The following ZNF610 variants were observed in gnomAD, a reference collection of about 807,000 sequenced individuals.
ZNF610 encodes zink finger protein.
A neutral mutation model predicts 14.1 loss-of-function variants in ZNF610; 14 were observed. The ratio of observed to expected loss-of-function variants is 0.99; its 90% CI spans 0.65 to 1.55. The LOEUF is 1.55. Among genes scored for constraint, ZNF610 ranks in the 40% most tolerant of loss-of-function variants. The pLI is 0.00. For synonymous variants in ZNF610, 185 were observed against 187.6 expected (o/e 0.99, Z 0.11); for missense variants, 530 against 558.0 (o/e 0.95, Z 0.51).
At chr19:52,336,027 G>A (rs1037502599), upstream of ZNF610, among the ~76,000 whole-genome samples, 1 of 152,008 alleles carries the variant, frequency 6.6e-6, no homozygotes, top group African/African-American at 2.4e-5. Context: ...CACCACGGCC[G>A]GCTTAAAATT....
At chr19:52,349,293 A>G (rs1985129499) in intron 3 of ZNF610, 58 bp downstream of exon 3, 2 of 1,561,628 alleles carry the variant, frequency 1.3e-6, no homozygotes, top group Non-Finnish European at 1.8e-6. Context: ...TGCCTGAAGC[A>G]TCCTGCCTGA....
intron 1 of ZNF610, among the ~76,000 whole-genome samples, chr19:52,336,841 C>G (rs552830740): frequency 1.4e-3 from 211 of 152,320 alleles, no homozygotes; most frequent in Non-Finnish European, 2.2e-3. Flanking sequence ...CTTCTTCTGT[C>G]TTAGGACATT....
At chr19:52,358,669 T>A (rs1268663846) in intron 5 of ZNF610, among the ~76,000 whole-genome samples, 1 of 152,226 alleles carries the variant, frequency 6.6e-6, no homozygotes, top group Non-Finnish European at 1.5e-5. Context: ...GTAGTACATT[T>A]TATGTATTTT....
intron 3 of ZNF610, among the ~76,000 whole-genome samples, chr19:52,350,976 G>C (rs1985222463): frequency 6.6e-6 from 1 of 152,030 alleles, no homozygotes; most frequent in African/African-American, 2.4e-5. Context: ...CTTCAGCCTT[G>C]GAAACAAGAG....
intron 5 of ZNF610, among the ~76,000 whole-genome samples, chr19:52,355,736 A>C (rs1025551564): frequency 6.6e-6 from 1 of 152,202 alleles, no homozygotes; most frequent in Non-Finnish European, 1.5e-5. Context: ...TGGCTCACAG[A>C]ACTCAGTGAG....
chr19:52,333,105 A>G (rs552164562), upstream of ZNF610, among the ~76,000 whole-genome samples: 130 of 152,346 alleles, frequency 8.5e-4, 1 homozygote, highest in Non-Finnish European at 1.2e-3. Flanking sequence ...TCCAATAGAT[A>G]GGACAAAGGA....
chr19:52,360,127 G>A (rs538675193), intron 5 of ZNF610, among the ~76,000 whole-genome samples: 1 of 152,206 alleles, frequency 6.6e-6, no homozygotes, highest in African/African-American at 2.4e-5. Flanking sequence ...ACCTTATTAT[G>A]TCAGCATTCT....
rs754683311 is a variant in ZNF610 at position 52,353,672 on chromosome 19, C to T, written c.64-10C>T. ...TTTTAGTGTTGTAAACAATGTGGTCCTCATTTTAGGGACGCTTGACATTCA... is the reference window on the plus strand; with the variant it reads ...TTTTAGTGTTGTAAACAATGTGGTCTTCATTTTAGGGACGCTTGACATTCA... On this transcript the variant is annotated splice_polypyrimidine_tract_variant and intron_variant, in intron 3 of 5. Coordinates refer to ENST00000403906, the MANE Select transcript of ZNF610 (RefSeq NM_001161425.2). The T allele has an allele frequency of 6.2e-7, 1 of 1,613,110 alleles. No individual in the cohort carries two copies. Among genetic ancestry groups the T allele is most frequent in the Non-Finnish European group, 8.5e-7 (1 of 1,179,524 alleles).
chr19:52,342,852 A>T (rs1429503428), intron 1 of ZNF610, among the ~76,000 whole-genome samples: 2 of 151,974 alleles, frequency 1.3e-5, no homozygotes, highest in Non-Finnish European at 2.9e-5. Context: ...CATCACCTTC[A>T]TGTCTCCTGA....
upstream of ZNF610, among the ~76,000 whole-genome samples, chr19:52,331,467 C>G (rs1446067845): frequency 1.3e-5 from 2 of 152,180 alleles, no homozygotes; most frequent in Admixed American, 1.3e-4. Flanking sequence ...GTGGCCTGGA[C>G]AGGATCCTGG....
intron 3 of ZNF610, among the ~76,000 whole-genome samples, chr19:52,350,981 C>T (rs986354131): frequency 3.3e-5 from 5 of 152,048 alleles, no homozygotes; most frequent in Non-Finnish European, 7.4e-5. Flanking sequence ...GCCTTGGAAA[C>T]AAGAGCAAAA....
At chr19:52,346,465 C>T (rs569914848) in intron 1 of ZNF610, among the ~76,000 whole-genome samples, 66 of 152,036 alleles carry the variant, frequency 4.3e-4, no homozygotes, top group African/African-American at 1.5e-3. Flanking sequence ...CCCAGACTAA[C>T]GTTTGTATTT....
At chr19:52,349,351 C>T (rs563042643) in intron 3 of ZNF610, 116 bp downstream of exon 3, 51 of 1,364,618 alleles carry the variant, frequency 3.7e-5, no homozygotes, top group Middle Eastern at 3.6e-4. Flanking sequence ...CCTTTCATCT[C>T]GCTTAGATTC....
intron 1 of ZNF610, chr19:52,345,343 C>T (rs1481019556): frequency 6.6e-6 from 1 of 152,160 alleles, no homozygotes; most frequent in Non-Finnish European, 1.5e-5. Context: ...TGTTGCCTAG[C>T]TACATCAGAG....
chr19:52,354,400 T>C, intron 5 of ZNF610, 21 bp downstream of exon 5: 2 of 1,606,704 alleles, frequency 1.2e-6, no homozygotes, highest in African/African-American at 1.3e-5. Context: ...TGATGGGCAG[T>C]GTGGAGGCCA....
upstream of ZNF610, among the ~76,000 whole-genome samples, chr19:52,334,070 T>G (rs532019537): frequency 3.3e-5 from 5 of 152,336 alleles, no homozygotes; most frequent in South Asian, 1.0e-3. Context: ...ATATCAACAA[T>G]GGTTTATAAA....
chr19:52,360,957 T>A (rs1985743595), intron 5 of ZNF610, among the ~76,000 whole-genome samples: 1 of 152,202 alleles, frequency 6.6e-6, no homozygotes, highest in African/African-American at 2.4e-5. Context: ...GGAACATTTT[T>A]AAGAGTGTTG....
intron 1 of ZNF610, among the ~76,000 whole-genome samples, chr19:52,337,371 C>G (rs747759743): frequency 6.6e-6 from 1 of 151,764 alleles, no homozygotes; most frequent in Non-Finnish European, 1.5e-5. Flanking sequence ...ACAGGGAGAA[C>G]AGAGAGGAAG....
chr19:52,342,314 A>G (rs1331406822), intron 1 of ZNF610, among the ~76,000 whole-genome samples: 1 of 152,026 alleles, frequency 6.6e-6, no homozygotes. Context: ...TATATTAACT[A>G]CATTTCTTCC....
Sources: gnomAD v4.1 joint callset for allele counts (sites outside exome capture counted in the v4.1 genomes callset) on GRCh38, gnomAD v4.1.1 for gene constraint, MANE v1.5 for transcripts, NCBI Gene and HGNC (gene_info 2026-07-23, HGNC 2026-07-21) for gene names.